HS6ST3: variants seen among roughly 807,000 people sequenced by gnomAD.
The protein encoded by HS6ST3 is heparan sulfate 6-O-sulfotransferase 3, also known as heparan-sulfate 6-O-sulfotransferase 3.
HS6ST3 carries 12 observed loss-of-function variants against 36.7 expected under a neutral mutation model. The observed-to-expected ratio is 0.33, with a 90% confidence interval of 0.21 to 0.53. The LOEUF (loss-of-function observed/expected upper bound fraction) is 0.53. Among genes scored for constraint, HS6ST3 ranks in the 20% least tolerant of loss-of-function variants. The pLI is 0.95. For missense variants in HS6ST3, 584 were observed against 640.9 expected (o/e 0.91, Z 0.96); for synonymous variants, 240 against 257.5 (o/e 0.93, Z 0.65).
chr13:96,149,133 A>G (rs981943567), intron 1 of HS6ST3, among the ~76,000 whole-genome samples: 13 of 152,216 alleles, frequency 8.5e-5, no homozygotes, highest in African/African-American at 3.1e-4. Flanking sequence ...GAATTGATCA[A>G]AGATCATTTA....
At chr13:96,486,552 G>T (rs968942256) in intron 1 of HS6ST3, among the ~76,000 whole-genome samples, 22 of 152,036 alleles carry the variant, frequency 1.4e-4, no homozygotes, top group African/African-American at 5.3e-4. Flanking sequence ...TTTAATGTTC[G>T]CCATTCTAAC....
chr13:96,472,310 TG>T (rs1421124468), intron 1 of HS6ST3, among the ~76,000 whole-genome samples: 1 of 152,226 alleles, frequency 6.6e-6, no homozygotes, highest in African/African-American at 2.4e-5. Context: ...CAGCTGCAAC[TG>T]GGTGATCTCT....
At chr13:96,269,696 A>G (rs1332768695) in intron 1 of HS6ST3, among the ~76,000 whole-genome samples, 1 of 152,016 alleles carries the variant, frequency 6.6e-6, no homozygotes, top group African/African-American at 2.4e-5. Context: ...TGCTAAAGTC[A>G]GCTTTTCCCA....
intron 1 of HS6ST3, among the ~76,000 whole-genome samples, chr13:96,335,910 G>C (rs577193086): frequency 1.3e-4 from 20 of 151,992 alleles, no homozygotes; most frequent in African/African-American, 4.4e-4. Flanking sequence ...TTAGAATATC[G>C]GTGCCTAGGA....
chr13:96,164,184 A>G (rs1307576373), intron 1 of HS6ST3, among the ~76,000 whole-genome samples: 1 of 152,172 alleles, frequency 6.6e-6, no homozygotes, highest in Non-Finnish European at 1.5e-5. Context: ...CATCTTTGTC[A>G]CATACATGCC....
intron 1 of HS6ST3, among the ~76,000 whole-genome samples, chr13:96,674,517 A>G (rs2056692673): frequency 6.6e-6 from 1 of 152,046 alleles, no homozygotes; most frequent in Non-Finnish European, 1.5e-5. Flanking sequence ...CCAGGCTACT[A>G]GCACTCTGGG....
At chr13:96,107,393 G>C (rs1172453966) in intron 1 of HS6ST3, among the ~76,000 whole-genome samples, 1 of 152,120 alleles carries the variant, frequency 6.6e-6, no homozygotes, top group East Asian at 1.9e-4. Context: ...GTCGGGACAA[G>C]GTGTTGGATG....
intron 1 of HS6ST3, chr13:96,573,591 G>T: frequency 4.8e-6 from 1 of 207,156 alleles, no homozygotes; most frequent in Non-Finnish European, 9.6e-6. Flanking sequence ...TGATTTCAGG[G>T]TCTGCAGAAT....
intron 1 of HS6ST3, among the ~76,000 whole-genome samples, chr13:96,208,936 C>T (rs2054385303): frequency 6.6e-6 from 1 of 152,026 alleles, no homozygotes; most frequent in Non-Finnish European, 1.5e-5. Flanking sequence ...TAGCAGGCAC[C>T]TTTTTTTGGG....
intron 1 of HS6ST3, among the ~76,000 whole-genome samples, chr13:96,404,692 C>T (rs759892540): frequency 6.6e-6 from 1 of 152,232 alleles, no homozygotes; most frequent in Non-Finnish European, 1.5e-5. Context: ...GCAGCAAAAA[C>T]TTCACACTAA....
chr13:96,316,892 G>C (rs183512718), intron 1 of HS6ST3, among the ~76,000 whole-genome samples: 2 of 152,038 alleles, frequency 1.3e-5, no homozygotes, highest in South Asian at 4.1e-4. Flanking sequence ...TTGTGTTTGC[G>C]TAGAAATGAT....
chr13:96,457,814 T>C (rs917185816), intron 1 of HS6ST3, among the ~76,000 whole-genome samples: 3 of 152,200 alleles, frequency 2.0e-5, no homozygotes, highest in Admixed American at 2.0e-4. Flanking sequence ...TTACTTAAGA[T>C]ATAAATTGCA....
At chr13:96,293,742 C>G (rs962686071) in intron 1 of HS6ST3, among the ~76,000 whole-genome samples, 1 of 152,042 alleles carries the variant, frequency 6.6e-6, no homozygotes, top group African/African-American at 2.4e-5. Flanking sequence ...ACCTCTGGAG[C>G]ATATTGGTAA....
rs541716781 is a variant in HS6ST3 at position 96,215,195 on chromosome 13, G to A, written c.707+123626G>A. Reference sequence around the variant, plus strand: ...CAGCTTCAAAATATGGACCCGTTTTGTCCAACTGGTGACGCTGCATATCAG... The same window carrying A: ...CAGCTTCAAAATATGGACCCGTTTTATCCAACTGGTGACGCTGCATATCAG... On this transcript the variant is annotated intron_variant, in intron 1 of 1. Transcript: ENST00000376705. 8.5e-5 allele frequency among the ~76,000 whole-genome samples: 13 copies of A among 152,312 alleles called. 1 individual carries two copies. Among genetic ancestry groups the A allele is most frequent in the African/African-American group, 2.9e-4 (12 of 41,574 alleles).
At chr13:96,495,437 T>A (rs1373271556) in intron 1 of HS6ST3, among the ~76,000 whole-genome samples, 1 of 152,188 alleles carries the variant, frequency 6.6e-6, no homozygotes, top group Non-Finnish European at 1.5e-5. Flanking sequence ...CCCTTAGAAT[T>A]TTAACAGTGC....
intron 1 of HS6ST3, among the ~76,000 whole-genome samples, chr13:96,817,883 C>A (rs2389716): frequency 0.082 from 12,485 of 152,110 alleles, 605 homozygotes; most frequent in Non-Finnish European, 0.11. Flanking sequence ...TTAAGGGATG[C>A]GCCCCCTCCC....
At chr13:96,677,909 G>T (rs1381563645) in intron 1 of HS6ST3, among the ~76,000 whole-genome samples, 3 of 152,038 alleles carry the variant, frequency 2.0e-5, no homozygotes, top group South Asian at 2.1e-4. Flanking sequence ...TAGAGCTCGG[G>T]CCTGTAATAT....
chr13:96,400,729 G>A (rs567221965), intron 1 of HS6ST3, among the ~76,000 whole-genome samples: 104 of 152,234 alleles, frequency 6.8e-4, no homozygotes, highest in African/African-American at 2.4e-3. Context: ...TGTGGTTTGG[G>A]AATTTGTCTC....
chr13:96,805,898 A>T lies in HS6ST3; in HGVS notation c.708-26592A>T, dbSNP rs557779867. Among the ~76,000 whole-genome samples, 6 of 152,232 alleles carry T rather than the reference A, an allele frequency of 3.9e-5. No individual in the cohort carries two copies. In the East Asian group the frequency reaches 9.7e-4, roughly 24 times the overall value. On this transcript the variant is annotated intron_variant, in intron 1 of 1. Transcript: ENST00000376705. ...CCAAGTGAAGTTCAGTTACCAAAAA[A>T]CCTATCAGAAACTACACAGCTTTGT...
Sources: gnomAD v4.1 joint callset for allele counts (sites outside exome capture counted in the v4.1 genomes callset) on GRCh38, gnomAD v4.1.1 for gene constraint, MANE v1.5 for transcripts, NCBI Gene and HGNC (gene_info 2026-07-23, HGNC 2026-07-21) for gene names.